The following BEST3 variants were observed in gnomAD, a reference collection of about 807,000 sequenced individuals.
BEST3 encodes the protein bestrophin-3.
Under a neutral mutation model 47.1 loss-of-function variants are expected in BEST3, and 50 were observed. The observed-to-expected ratio is 1.06, with a 90% CI of 0.85 to 1.34. The LOEUF is 1.34. Ranked by LOEUF, BEST3 falls within the 40% of genes most tolerant of loss-of-function variation. The probability of loss-of-function intolerance (pLI) is 0.00; values close to 1 mark genes in which losing one functional copy is unlikely to be tolerated. For synonymous variants in BEST3, 282 were observed against 298.8 expected (o/e 0.94, Z 0.58); for missense variants, 765 against 817.0 (o/e 0.94, Z 0.78).
chr12:69,675,912 C>T (rs997825670), intron 7 of BEST3, among the ~76,000 whole-genome samples: 10 of 152,134 alleles, frequency 6.6e-5, no homozygotes, highest in Non-Finnish European at 1.3e-4. Flanking sequence ...CTTTGGAAGG[C>T]CAAACATTTG....
intron 8 of BEST3, among the ~76,000 whole-genome samples, chr12:69,672,102 T>C (rs780596655): frequency 2.6e-5 from 4 of 152,234 alleles, no homozygotes; most frequent in Non-Finnish European, 4.4e-5. Flanking sequence ...TCTCTCCTCT[T>C]GGCTTTGACA....
chr12:69,647,107 CA>C (rs1317624455), intron 9 of BEST3, among the ~76,000 whole-genome samples: 7 of 152,192 alleles, frequency 4.6e-5, no homozygotes, highest in Non-Finnish European at 1.0e-4. Flanking sequence ...GAGCAGACCT[CA>C]GCAAGTAAGA....
intron 4 of BEST3, among the ~76,000 whole-genome samples, chr12:69,686,778 A>AC (rs750806058): frequency 8.2e-4 from 87 of 106,706 alleles, no homozygotes; most frequent in African/African-American, 3.0e-3. Flanking sequence ...CCTCAAAAAA[A>AC]CAAAAAAAAA....
At chr12:69,659,766 A>G (rs1248989625) in intron 9 of BEST3, among the ~76,000 whole-genome samples, 2 of 151,918 alleles carry the variant, frequency 1.3e-5, no homozygotes. Context: ...CTCTTAGTCT[A>G]GGGTTAGTAC....
At chr12:69,685,607 T>C (rs60954668) in intron 4 of BEST3, among the ~76,000 whole-genome samples, 46,101 of 152,022 alleles carry the variant, frequency 0.3, 8,278 homozygotes, top group South Asian at 0.55. Context: ...AAGTTTAGGT[T>C]GAACAACTGC....
At chr12:69,659,265 T>C (rs1883719825) in intron 9 of BEST3, among the ~76,000 whole-genome samples, 1 of 152,202 alleles carries the variant, frequency 6.6e-6, no homozygotes, top group Admixed American at 6.5e-5. Context: ...ACACACACTG[T>C]TCATCTCCTC....
At chr12:69,645,186 A>G (rs1254976157) in intron 9 of BEST3, among the ~76,000 whole-genome samples, 10 of 152,200 alleles carry the variant, frequency 6.6e-5, no homozygotes, top group South Asian at 2.1e-4. Context: ...AGTGTTCAGT[A>G]TTGGTTTATT....
At chr12:69,684,983 T>TCTATTCTATTCTATC (rs1555208090) in intron 4 of BEST3, among the ~76,000 whole-genome samples, 88 of 102,020 alleles carry the variant, frequency 8.6e-4, no homozygotes, top group African/African-American at 3.1e-3. Flanking sequence ...TTTCTGCTGT[T>TCTATTCTATTCTATC]CTATTCTATT....
chr12:69,663,680 G>T (rs1464396745), intron 9 of BEST3, among the ~76,000 whole-genome samples: 1 of 152,086 alleles, frequency 6.6e-6, no homozygotes, highest in Non-Finnish European at 1.5e-5. Flanking sequence ...AAAAAGCCAG[G>T]CATGGTGTCA....
At chr12:69,687,472 AGAAAAAAAG>A (rs61649879) in intron 4 of BEST3, 39,783 of 151,544 alleles carry the variant, frequency 0.26, 6,459 homozygotes, top group African/African-American at 0.47. Flanking sequence ...GTATCAAAAA[AGAAAAAAAG>A]GAAAAAAAGG....
At chr12:69,657,199 G>A (rs1450150574) in intron 9 of BEST3, among the ~76,000 whole-genome samples, 1 of 152,012 alleles carries the variant, frequency 6.6e-6, no homozygotes, top group African/African-American at 2.4e-5. Context: ...AGGTTCAAGT[G>A]ATTCTCATGC....
At position 69,655,314 on chromosome 12, in the gene BEST3, C is replaced by A; in HGVS notation, c.1600G>T (p.Val534Phe). The A allele has an allele frequency of 1.9e-6, 3 of 1,614,146 alleles. No homozygotes were observed. Among genetic ancestry groups the A allele is most frequent in the Non-Finnish European group, 2.5e-6 (3 of 1,180,038 alleles). The change falls in exon 10 of 10, where the codon GTT becomes TTT. Residue 534 changes from valine to phenylalanine, a missense_variant. Transcript: ENST00000330891. ...TGCTGCTCAGTCTTGCTTGGCTGAACCCCTGTAAACTCAGAGCTCAAGATG... is the reference window on the plus strand; with the variant it reads ...TGCTGCTCAGTCTTGCTTGGCTGAAACCCTGTAAACTCAGAGCTCAAGATG... Reference protein sequence around the residue: ...TSILSSEFTGVQPSKTEQQQG... With the variant: ...TSILSSEFTGFQPSKTEQQQG...
At chr12:69,679,026 A>G (rs1885085698) in intron 4 of BEST3, 133 bp from the exon 5 acceptor site, 1 of 778,112 alleles carries the variant, frequency 1.3e-6, no homozygotes, top group South Asian at 1.9e-5. Flanking sequence ...TTCCTGTCTC[A>G]AGTAGTTTAT....
chr12:69,659,651 C>T (rs1195725488), intron 9 of BEST3, among the ~76,000 whole-genome samples: 1 of 151,866 alleles, frequency 6.6e-6, no homozygotes, highest in Non-Finnish European at 1.5e-5. Flanking sequence ...CCACACTCAG[C>T]CTTAGAATAG....
intron 9 of BEST3, among the ~76,000 whole-genome samples, chr12:69,646,413 AT>A (rs1437470091): frequency 6.6e-6 from 1 of 150,468 alleles, no homozygotes; most frequent in Non-Finnish European, 1.5e-5. Context: ...TTATTTATTT[AT>A]TTTTTTCTTT....
At chr12:69,665,580 G>A (rs1884150110) in intron 9 of BEST3, among the ~76,000 whole-genome samples, 1 of 151,892 alleles carries the variant, frequency 6.6e-6, no homozygotes, top group African/African-American at 2.4e-5. Flanking sequence ...GTGACAGAGA[G>A]AGACCTTGTC....
chr12:69,653,592 A>G, downstream of BEST3: 1 of 962,360 alleles, frequency 1.0e-6, no homozygotes, highest in Non-Finnish European at 1.2e-6. Flanking sequence ...GGAACAGTGT[A>G]AGCACTCAAT....
intron 3 of BEST3, 72 bp downstream of exon 3, chr12:69,694,298 C>A: frequency 2.2e-6 from 2 of 925,096 alleles, no homozygotes; most frequent in East Asian, 2.7e-5. Flanking sequence ...GAAACACTCC[C>A]ATGCAGAGTC....
chr12:69,682,081 CA>C (rs35331064), intron 4 of BEST3, among the ~76,000 whole-genome samples: 62 of 102,296 alleles, frequency 6.1e-4, no homozygotes, highest in East Asian at 1.4e-3. Flanking sequence ...GACTCCGTCT[CA>C]AAAAAAAAAA....
Sources: gnomAD v4.1 joint callset for allele counts (sites outside exome capture counted in the v4.1 genomes callset) on GRCh38, gnomAD v4.1.1 for gene constraint, MANE v1.5 for transcripts, NCBI Gene and HGNC (gene_info 2026-07-23, HGNC 2026-07-21) for gene names.